Variants in KHDRBS2 observed in about 807,000 individuals in gnomAD.
KHDRBS2 encodes KH RNA binding domain containing, signal transduction associated 2, also known as KH domain-containing, RNA-binding, signal transduction-associated protein 2.
A neutral mutation model predicts 44.3 loss-of-function variants in KHDRBS2; 26 were observed. The ratio of observed to expected loss-of-function variants is 0.59; its 90% CI spans 0.43 to 0.81. KHDRBS2 has a LOEUF of 0.81. KHDRBS2 is among the 40% of genes least tolerant of loss of function. KHDRBS2 has a pLI of 0.00. For synonymous variants in KHDRBS2, 194 were observed against 151.1 expected, an observed-to-expected ratio of 1.28 and a Z score of -2.08; for missense variants, 476 against 433.1, an observed-to-expected ratio of 1.10 and a Z score of -0.88.
At chr6:61,950,253 AT>A (rs1006176417) in intron 4 of KHDRBS2, among the ~76,000 whole-genome samples, 2 of 152,052 alleles carry the variant, frequency 1.3e-5, no homozygotes, top group African/African-American at 2.4e-5. Context: ...ATGGCTTGCT[AT>A]TTAACAGTAA....
chr6:61,628,404 A>G, the KHDRBS2 span, among the ~76,000 whole-genome samples: 171 of 151,956 alleles, frequency 1.1e-3, no homozygotes, highest in Non-Finnish European at 1.6e-3. Flanking sequence ...AGTAGCAGGC[A>G]CACATGTATA....
chr6:62,174,261 A>C (rs1387239050), intron 2 of KHDRBS2, among the ~76,000 whole-genome samples: 1 of 151,842 alleles, frequency 6.6e-6, no homozygotes, highest in African/African-American at 2.4e-5. Context: ...ATTTCTATAC[A>C]CCAACATCAA....
chr6:62,098,025 C>T (rs985658333), intron 2 of KHDRBS2, among the ~76,000 whole-genome samples: 5 of 152,090 alleles, frequency 3.3e-5, no homozygotes, highest in Admixed American at 3.3e-4. Context: ...AAAGTCTACA[C>T]TATAATTCTA....
At chr6:61,616,915 C>T in the KHDRBS2 span, among the ~76,000 whole-genome samples, 4 of 152,154 alleles carry the variant, frequency 2.6e-5, no homozygotes, top group East Asian at 5.8e-4. Context: ...CTTGCTAAAA[C>T]TATCAGTTAA....
At chr6:62,256,342 T>C (rs1431433255) in intron 1 of KHDRBS2, among the ~76,000 whole-genome samples, 1 of 152,054 alleles carries the variant, frequency 6.6e-6, no homozygotes, top group East Asian at 1.9e-4. Flanking sequence ...AATCTGATCT[T>C]GAATTGTAGC....
At chr6:62,054,815 C>T (rs1323747066) in intron 2 of KHDRBS2, among the ~76,000 whole-genome samples, 1 of 151,970 alleles carries the variant, frequency 6.6e-6, no homozygotes, top group African/African-American at 2.4e-5. Context: ...CTGAACTCCA[C>T]AACTGTAAAA....
chr6:62,125,001 A>C (rs1385173664), intron 2 of KHDRBS2, among the ~76,000 whole-genome samples: 1 of 152,150 alleles, frequency 6.6e-6, no homozygotes, highest in African/African-American at 2.4e-5. Flanking sequence ...GGGACACTGA[A>C]CATTTTTTTT....
intron 1 of KHDRBS2, among the ~76,000 whole-genome samples, chr6:62,238,882 T>C (rs1176707007): frequency 6.6e-6 from 1 of 152,156 alleles, no homozygotes; most frequent in African/African-American, 2.4e-5. Flanking sequence ...CATGGGAGAT[T>C]TATGGCTTAT....
intron 3 of KHDRBS2, among the ~76,000 whole-genome samples, chr6:62,033,735 A>G (rs1784758602): frequency 6.6e-6 from 1 of 151,414 alleles, no homozygotes; most frequent in Non-Finnish European, 1.5e-5. Context: ...ACTTTCCAAC[A>G]CAAACAAAAG....
chr6:61,973,108 T>C (rs1771777852), intron 4 of KHDRBS2, among the ~76,000 whole-genome samples: 1 of 152,186 alleles, frequency 6.6e-6, no homozygotes, highest in African/African-American at 2.4e-5. Flanking sequence ...CATTCCAGCC[T>C]GGGTGAGAGA....
the KHDRBS2 span, among the ~76,000 whole-genome samples, chr6:61,660,771 G>T: frequency 6.6e-6 from 1 of 151,656 alleles, no homozygotes; most frequent in Non-Finnish European, 1.5e-5. Context: ...CAGTGAAATT[G>T]AACTTCTCCT....
chr6:62,014,658 C>G (rs1780883908), intron 3 of KHDRBS2, among the ~76,000 whole-genome samples: 1 of 152,076 alleles, frequency 6.6e-6, no homozygotes. Flanking sequence ...ATTTTACTAA[C>G]AAAATAAAGA....
At chr6:62,060,397 C>G (rs148109370) in intron 2 of KHDRBS2, among the ~76,000 whole-genome samples, 3 of 151,580 alleles carry the variant, frequency 2.0e-5, no homozygotes, top group African/African-American at 7.3e-5. Flanking sequence ...GAAGACTACA[C>G]AAAGACCTAT....
intron 2 of KHDRBS2, among the ~76,000 whole-genome samples, chr6:62,132,429 C>A (rs1810538753): frequency 6.6e-6 from 1 of 152,150 alleles, no homozygotes; most frequent in Non-Finnish European, 1.5e-5. Flanking sequence ...CCTCTCCCAG[C>A]CCCACTGAAT....
chr6:62,003,925 G>A (rs1471180153), intron 3 of KHDRBS2, among the ~76,000 whole-genome samples: 2 of 152,112 alleles, frequency 1.3e-5, no homozygotes, highest in Non-Finnish European at 2.9e-5. Flanking sequence ...ACAAAATGAA[G>A]GCAGAAATAC....
the KHDRBS2 span, chr6:61,652,220 C>T: frequency 6.6e-6 from 1 of 151,960 alleles, no homozygotes; most frequent in Non-Finnish European, 1.5e-5. Flanking sequence ...ATTCGTTCAC[C>T]TTTTATTTAT....
the KHDRBS2 span, among the ~76,000 whole-genome samples, chr6:61,587,181 A>G: frequency 6.6e-6 from 1 of 152,156 alleles, no homozygotes; most frequent in Admixed American, 6.6e-5. Flanking sequence ...GGCTTTTTGC[A>G]TCACAGCTTG....
chr6:61,550,105 A>C, the KHDRBS2 span, among the ~76,000 whole-genome samples: 10 of 152,044 alleles, frequency 6.6e-5, no homozygotes, highest in Non-Finnish European at 1.3e-4. Flanking sequence ...ATATGGGTAA[A>C]TTGCATGTCA....
the KHDRBS2 span, among the ~76,000 whole-genome samples, chr6:61,609,201 T>A: frequency 6.6e-6 from 1 of 152,014 alleles, no homozygotes; most frequent in Non-Finnish European, 1.5e-5. Flanking sequence ...CTACCAAAAA[T>A]ACAAAAAATA....
Sources: allele counts gnomAD v4.1 joint callset (sites outside exome capture counted in the v4.1 genomes callset), GRCh38; gene constraint gnomAD v4.1.1; transcripts MANE v1.5; gene names NCBI Gene and HGNC (gene_info 2026-07-23, HGNC 2026-07-21).